Variants in DDX27 observed in about 807,000 individuals in gnomAD.
The protein encoded by DDX27 is probable ATP-dependent RNA helicase DDX27.
In DDX27, 42 loss-of-function variants were observed where a neutral mutation model predicts 99.3. That is an observed-to-expected ratio of 0.42 (90% CI 0.33 to 0.55). The LOEUF is 0.55. Ranked by LOEUF, DDX27 falls within the 20% of genes least tolerant of loss-of-function variation. DDX27 has a pLI of 0.07. For synonymous variants in DDX27, 329 were observed against 353.8 expected (o/e 0.93, Z 0.79); for missense variants, 798 against 976.8 (o/e 0.82, Z 2.44).
At chr20:49,220,600 G>A (rs1182894256) in intron 1 of DDX27, among the ~76,000 whole-genome samples, 1 of 151,806 alleles carries the variant, frequency 6.6e-6, no homozygotes, top group African/African-American at 2.4e-5. Flanking sequence ...CCATTTCCCC[G>A]ATGTCCCCTG....
At chr20:49,223,475 T>C (rs765424494) in intron 4 of DDX27, 42 bp downstream of exon 4, 4 of 1,556,174 alleles carry the variant, frequency 2.6e-6, no homozygotes, top group Non-Finnish European at 3.5e-6. Context: ...GGACAGGAGA[T>C]CAGAAGGCAT....
rs776558257 is a variant in DDX27 at position 49,223,264 on chromosome 20, C to T, written c.301-4C>T. Reference sequence around the variant, plus strand: ...CATCACCCTCACTTTAATTTTTTTCCCAGGATAAAGAAGCCAAGTCTGGGA... The same window carrying T: ...CATCACCCTCACTTTAATTTTTTTCTCAGGATAAAGAAGCCAAGTCTGGGA... On this transcript the variant is annotated splice_region_variant and splice_polypyrimidine_tract_variant and intron_variant, in intron 3 of 20. Transcript: ENST00000618172. 6 of 1,598,554 alleles carry T rather than the reference C, an allele frequency of 3.8e-6. No homozygotes were observed. The African/African-American group carries it at 5.4e-5, about 15-fold the overall frequency.
At chr20:49,221,982 A>G in intron 2 of DDX27, among the ~76,000 whole-genome samples, 1 of 152,090 alleles carries the variant, frequency 6.6e-6, no homozygotes, top group East Asian at 1.9e-4. Flanking sequence ...TTGTTTGCCA[A>G]GATCCCATGC....
intron 1 of DDX27, among the ~76,000 whole-genome samples, chr20:49,220,577 C>G (rs755117795): frequency 4.0e-5 from 6 of 151,620 alleles, no homozygotes; most frequent in Non-Finnish European, 8.8e-5. Flanking sequence ...CGTCTGGGTC[C>G]CGTACACTGT....
At chr20:49,223,053 C>G (rs1445915734) in intron 3 of DDX27, 37 bp downstream of exon 3, 1 of 1,578,200 alleles carries the variant, frequency 6.3e-7, no homozygotes, top group Non-Finnish European at 8.7e-7. Context: ...TTGTTAGGGC[C>G]CACTCTTTAC....
rs772642959 is a variant in DDX27 at position 49,219,538 on chromosome 20, G to A, written c.90G>A (p.Glu30=). The change falls in exon 1 of 21, where the codon GAG becomes GAA. Residue 30 remains glutamate, a synonymous_variant. Coordinates refer to ENST00000618172, the MANE Select transcript of DDX27 (RefSeq NM_017895.8). ...AGTCTGACTCCGGGGACGAGGAAGAGGAGGTATGAGCACGGTTCTGGTCTT... is the reference window on the plus strand; with the variant it reads ...AGTCTGACTCCGGGGACGAGGAAGAAGAGGTATGAGCACGGTTCTGGTCTT... ...EPESDSGDEE[E]EGPIVLGRRQ... 76 of 1,613,708 alleles carry A rather than the reference G, an allele frequency of 4.7e-5. No homozygotes were observed. Among genetic ancestry groups the A allele is most frequent in the Non-Finnish European group, 6.4e-5 (76 of 1,179,814 alleles).
At chr20:49,223,556 T>C in intron 4 of DDX27, 123 bp downstream of exon 4, 1 of 855,108 alleles carries the variant, frequency 1.2e-6, no homozygotes, top group South Asian at 2.5e-5. Context: ...GCCTACTACA[T>C]TGAACTCCTT....
chr20:49,227,896 A>G (rs541700098), intron 7 of DDX27, among the ~76,000 whole-genome samples: 48 of 138,634 alleles, frequency 3.5e-4, no homozygotes, highest in African/African-American at 1.2e-3. Context: ...GCTGGAGTGC[A>G]GTGGCGCAAT....
At position 49,228,795 on chromosome 20, in the gene DDX27, G is replaced by T. The variant is rs1259492695; in HGVS notation, c.787G>T (p.Val263Leu). ...CCAGGCTCCAGTCACCCGCGTGCTGGTGCTAGTGCCCACCCGAGAGCTGGG... is the reference window on the plus strand; with the variant it reads ...CCAGGCTCCAGTCACCCGCGTGCTGTTGCTAGTGCCCACCCGAGAGCTGGG... The part of the protein sequence containing the change: ...PRQAPVTRVL[V>L]LVPTRELGIQ... The change falls in exon 8 of 21, where the codon GTG becomes TTG. Residue 263 changes from valine (V) to leucine (L), a missense_variant. Val to Leu is a conservative substitution (Grantham distance 32, BLOSUM62 1). Transcript: ENST00000618172. 20 of 1,613,490 alleles carry T rather than the reference G, an allele frequency of 1.2e-5. No individual in the cohort carries two copies. In the East Asian group the frequency reaches 4.5e-4, roughly 36 times the overall value.
chr20:49,230,171 G>A (rs760046774), intron 8 of DDX27, 28 bp from the exon 9 acceptor site: 7 of 1,591,166 alleles, frequency 4.4e-6, no homozygotes, highest in Admixed American at 1.7e-5. Flanking sequence ...TGACCTGGCC[G>A]CCTGGTGGGG....
chr20:49,233,989 C>T (rs1271305467), intron 11 of DDX27: 8 of 362,304 alleles, frequency 2.2e-5, no homozygotes, highest in East Asian at 1.2e-4. Flanking sequence ...TGTTCTCTGT[C>T]GCCTGGATCG....
At chr20:49,241,839 G>A in intron 16 of DDX27, 54 bp from the exon 17 acceptor site, 1 of 1,583,346 alleles carries the variant, frequency 6.3e-7, no homozygotes, top group African/African-American at 1.3e-5. Flanking sequence ...CTTATCGTAA[G>A]CTTAAAAAAA....
chr20:49,240,418 A>G (rs1163618672), intron 16 of DDX27, among the ~76,000 whole-genome samples: 1 of 152,046 alleles, frequency 6.6e-6, no homozygotes, highest in Non-Finnish European at 1.5e-5. Flanking sequence ...ATAGGCCCAC[A>G]TATGCTGCCC....
intron 11 of DDX27, chr20:49,234,032 C>T: frequency 3.4e-6 from 1 of 291,886 alleles, no homozygotes; most frequent in South Asian, 8.1e-5. Context: ...TCCCTGCTTC[C>T]ACTCGGCCTT....
At chr20:49,230,872 G>A (rs1226387129) in intron 9 of DDX27, among the ~76,000 whole-genome samples, 2 of 152,210 alleles carry the variant, frequency 1.3e-5, no homozygotes, top group African/African-American at 4.8e-5. Flanking sequence ...GGCTGGAGGT[G>A]GGGCAGGGGA....
At chr20:49,238,815 G>A in intron 14 of DDX27, 134 bp from the exon 15 acceptor site, 2 of 363,402 alleles carry the variant, frequency 5.5e-6, no homozygotes, top group Non-Finnish European at 1.0e-5. Context: ...TGGCCACGTT[G>A]CCCAGGCTGG....
Position 49,242,638 on chromosome 20 carries a change from C to T in DDX27, c.2161C>T (p.Leu721Phe), listed in dbSNP as rs773028728. The T allele has an allele frequency of 2.2e-5, 36 of 1,613,990 alleles. No individual in the cohort carries two copies. The highest frequency in any genetic ancestry group is 3.1e-5 in the Non-Finnish European group (36 of 1,180,034). The change falls in exon 19 of 21, where the codon CTC becomes TTC. Residue 721 changes from leucine (L) to phenylalanine (F), a missense_variant. Physicochemically the swap from Leu to Phe is conservative, Grantham distance 22 (BLOSUM62 0). Coordinates refer to ENST00000618172, the MANE Select transcript of DDX27 (RefSeq NM_017895.8). ...QGKKSVFDEE[L>F]TNTSKKALKQ... ...GAAGAAATCTGTATTTGATGAAGAACTCACCAACACAAGCAAGAAGGCCCT... is the reference window on the plus strand; with the variant it reads ...GAAGAAATCTGTATTTGATGAAGAATTCACCAACACAAGCAAGAAGGCCCT...
rs777799306 is a variant in DDX27 at position 49,242,694 on chromosome 20, GTCA to G, written c.2204+18_2204+20del. ...AGTATCGAGCTGGGTAGGATTTTAAGTCATCATGGAGCCCTTGGTATTCTTTTT... is the reference window on the plus strand; with the variant it reads ...AGTATCGAGCTGGGTAGGATTTTAAGTCATGGAGCCCTTGGTATTCTTTTT... On this transcript the variant is annotated intron_variant, in intron 19 of 20. Coordinates refer to ENST00000618172, the MANE Select transcript of DDX27 (RefSeq NM_017895.8). The G allele has an allele frequency of 6.4e-7, 1 of 1,563,122 alleles. No individual in the cohort carries two copies. The highest frequency in any genetic ancestry group is 1.4e-5 in the African/African-American group (1 of 71,530).
intron 2 of DDX27, among the ~76,000 whole-genome samples, chr20:49,221,845 G>A (rs1001638553): frequency 1.4e-5 from 2 of 147,832 alleles, no homozygotes; most frequent in Non-Finnish European, 3.0e-5. Context: ...GCTTGCTGGG[G>A]AGACTCCTCT....
Sources: gnomAD v4.1 joint callset for allele counts (sites outside exome capture counted in the v4.1 genomes callset) on GRCh38, gnomAD v4.1.1 for gene constraint, MANE v1.5 for transcripts, NCBI Gene and HGNC (gene_info 2026-07-23, HGNC 2026-07-21) for gene names.